IMMP1L: variants seen among roughly 807,000 people sequenced by gnomAD.
The protein encoded by IMMP1L is inner mitochondrial membrane peptidase subunit 1.
In IMMP1L, 24 loss-of-function variants were observed where a neutral mutation model predicts 21.8. That is an observed-to-expected ratio of 1.10 (90% CI 0.80 to 1.55). IMMP1L has a LOEUF of 1.55. IMMP1L is among the 40% of genes most tolerant of loss of function. The probability of loss-of-function intolerance (pLI) is 0.00; values close to 1 mark genes in which losing one functional copy is unlikely to be tolerated. For missense variants in IMMP1L, 195 were observed against 200.7 expected, an observed-to-expected ratio of 0.97 and a Z score of 0.17; for synonymous variants, 46 against 62.8, an observed-to-expected ratio of 0.73 and a Z score of 1.26.
chr11:31,492,477 A>T (rs1206567403), intron 1 of IMMP1L, among the ~76,000 whole-genome samples: 2 of 152,174 alleles, frequency 1.3e-5, no homozygotes, highest in African/African-American at 2.4e-5. Flanking sequence ...CTTAACATTC[A>T]TGAGTTTATG....
chr11:31,496,879 C>A (rs1592041549), intron 1 of IMMP1L, among the ~76,000 whole-genome samples: 1 of 146,802 alleles, frequency 6.8e-6, no homozygotes, highest in African/African-American at 2.5e-5. Context: ...TTATATATAT[C>A]TGATATATAT....
At chr11:31,486,113 G>A (rs1955066940) in intron 1 of IMMP1L, among the ~76,000 whole-genome samples, 3 of 150,870 alleles carry the variant, frequency 2.0e-5, no homozygotes, top group Admixed American at 6.6e-5. Flanking sequence ...TCTATGCTAA[G>A]CCAGTTGTTA....
intron 2 of IMMP1L, among the ~76,000 whole-genome samples, chr11:31,461,993 T>C (rs1371333903): frequency 6.6e-6 from 1 of 152,102 alleles, no homozygotes; most frequent in Non-Finnish European, 1.5e-5. Flanking sequence ...CCTTTGGAAG[T>C]ACCAATCTAA....
intron 4 of IMMP1L, among the ~76,000 whole-genome samples, chr11:31,450,364 A>G (rs1374814004): frequency 1.3e-5 from 2 of 151,984 alleles, no homozygotes; most frequent in Non-Finnish European, 2.9e-5. Context: ...AGAACAAGGT[A>G]AGCCCAGCAT....
chr11:31,490,169 T>C (rs1955207990), intron 1 of IMMP1L, among the ~76,000 whole-genome samples: 1 of 152,178 alleles, frequency 6.6e-6, no homozygotes, highest in African/African-American at 2.4e-5. Flanking sequence ...CATATGTGTG[T>C]GTATGTAATG....
intron 1 of IMMP1L, among the ~76,000 whole-genome samples, chr11:31,473,211 G>A (rs759623517): frequency 9.5e-4 from 144 of 152,192 alleles, no homozygotes; most frequent in Non-Finnish European, 1.8e-3. Context: ...CACCACGCCC[G>A]GCTAATTTTT....
At chr11:31,468,623 T>C (rs927950639) in intron 1 of IMMP1L, among the ~76,000 whole-genome samples, 7 of 152,184 alleles carry the variant, frequency 4.6e-5, no homozygotes, top group Non-Finnish European at 8.8e-5. Context: ...TACCAGATAC[T>C]GTGTTCAGCC....
chr11:31,479,444 CT>C (rs1156845698), intron 1 of IMMP1L, among the ~76,000 whole-genome samples: 18 of 152,058 alleles, frequency 1.2e-4, no homozygotes, highest in African/African-American at 4.3e-4. Context: ...CATGAATATT[CT>C]TTGGTTACCT....
At chr11:31,450,372 C>T (rs1953704237) in intron 4 of IMMP1L, among the ~76,000 whole-genome samples, 1 of 151,306 alleles carries the variant, frequency 6.6e-6, no homozygotes, top group African/African-American at 2.5e-5. Flanking sequence ...GTAAGCCCAG[C>T]ATACCTCAAT....
chr11:31,496,845 T>G (rs1238551599), intron 1 of IMMP1L, among the ~76,000 whole-genome samples: 1 of 148,070 alleles, frequency 6.8e-6, no homozygotes, highest in East Asian at 1.9e-4. Flanking sequence ...TAATTTTATA[T>G]ATCTAAGAGT....
At chr11:31,479,387 T>C (rs1288259003) in intron 1 of IMMP1L, among the ~76,000 whole-genome samples, 1 of 152,064 alleles carries the variant, frequency 6.6e-6, no homozygotes, top group South Asian at 2.1e-4. Context: ...TATAAACCAA[T>C]GGTATTAGTG....
intron 1 of IMMP1L, among the ~76,000 whole-genome samples, chr11:31,494,047 G>A (rs1476797425): frequency 6.6e-6 from 1 of 152,186 alleles, no homozygotes; most frequent in Non-Finnish European, 1.5e-5. Context: ...TACCATTCCG[G>A]GGTCTGGAGG....
At chr11:31,499,396 A>T (rs370372296) in intron 1 of IMMP1L, among the ~76,000 whole-genome samples, 1 of 124,438 alleles carries the variant, frequency 8.0e-6, no homozygotes, top group Non-Finnish European at 1.6e-5. Context: ...CAAAACAAAA[A>T]ACACTACACT....
chr11:31,459,497 A>G (rs537974665), intron 3 of IMMP1L, among the ~76,000 whole-genome samples: 5 of 152,338 alleles, frequency 3.3e-5, no homozygotes, highest in African/African-American at 1.2e-4. Context: ...AAAATATATT[A>G]AATTATTAAT....
chr11:31,444,862 T>A (rs1482968609), intron 4 of IMMP1L, among the ~76,000 whole-genome samples: 2 of 152,186 alleles, frequency 1.3e-5, no homozygotes, highest in African/African-American at 4.8e-5. Context: ...TAGGCCCTTA[T>A]CAAGCATCCA....
At chr11:31,473,038 G>T (rs1366799319) in intron 1 of IMMP1L, among the ~76,000 whole-genome samples, 1 of 141,416 alleles carries the variant, frequency 7.1e-6, no homozygotes. Context: ...GCTAATTTTT[G>T]TTGTTGTTGT....
In IMMP1L at chr11:31,509,585, C is replaced by A; in HGVS notation, c.-96G>T. On this transcript the variant is annotated 5_prime_UTR_variant, in exon 1 of 6. Coordinates refer to ENST00000532287, the MANE Select transcript of IMMP1L (RefSeq NM_001304274.2). ...AGGTGGGCCTTTCTCACCTGGGCCC[C>A]GCCGAAGTCGACCGTCCTTTCGTAG... The A allele has an allele frequency of 3.3e-6, 2 of 615,022 alleles. No individual in the cohort carries two copies. The highest frequency in any genetic ancestry group is 2.8e-5 in the East Asian group (1 of 35,698). The allele number at this position is 615,022 out of a possible 1,614,324, so 38.1% of individuals were successfully genotyped here. A position where few individuals can be genotyped will look rare whatever the true frequency, so the allele number is the denominator to read the frequency against.
At chr11:31,509,393 C>G (rs1354233116) in intron 1 of IMMP1L, 126 bp downstream of exon 1, 2 of 194,580 alleles carry the variant, frequency 1.0e-5, no homozygotes, top group Admixed American at 1.1e-4. Context: ...TCCTCACACA[C>G]AGCGGAGAAA....
At chr11:31,462,106 G>A (rs1028250090) in intron 2 of IMMP1L, among the ~76,000 whole-genome samples, 1 of 152,102 alleles carries the variant, frequency 6.6e-6, no homozygotes, top group African/African-American at 2.4e-5. Flanking sequence ...CCTGAGGCCA[G>A]GAGTTCGTGC....
Sources: gnomAD v4.1 joint callset for allele counts (sites outside exome capture counted in the v4.1 genomes callset) on GRCh38, gnomAD v4.1.1 for gene constraint, MANE v1.5 for transcripts, NCBI Gene and HGNC (gene_info 2026-07-23, HGNC 2026-07-21) for gene names.